ZNF525: variants seen among roughly 807,000 people sequenced by gnomAD.
The protein encoded by ZNF525 is zinc finger protein 525.
A neutral mutation model predicts 37.6 loss-of-function variants in ZNF525; 33 were observed. The observed-to-expected ratio is 0.88, with a 90% CI of 0.67 to 1.17. ZNF525 has a LOEUF of 1.17. Among genes scored for constraint, ZNF525 ranks in the 50% most tolerant of loss-of-function variants. ZNF525 has a pLI of 0.00. For synonymous variants in ZNF525, 170 were observed against 182.3 expected (o/e 0.93, Z 0.54); for missense variants, 449 against 543.1 (o/e 0.83, Z 1.72).
rs113306675 is a variant in ZNF525, at chr19:53,381,319, T to C, written c.740T>C (p.Val247Ala). The change falls in exon 4 of 4, where the codon GTA becomes GCA. Residue 247 changes from valine to alanine, a missense_variant. This residue lies in a region of ZNF525 where 271 missense variants were observed against 381.6 expected (regional missense o/e 0.71). Transcript: ENST00000474037. ...HLGEKQYKCD[V>A]CDKVFIRKRY... Reference sequence around the variant, plus strand: ...GGAGAGAAACAATATAAATGTGATGTATGTGACAAGGTCTTTATTCGGAAG... The same window carrying C: ...GGAGAGAAACAATATAAATGTGATGCATGTGACAAGGTCTTTATTCGGAAG... 3.3e-4 allele frequency: 499 copies of C among 1,505,626 alleles called. No individual in the cohort carries two copies. The African/African-American group carries it at 6.0e-3, about 18-fold the overall frequency. 93.3% of individuals were successfully genotyped at this position (1,505,626 alleles called of 1,614,324 possible).
At position 53,382,999 on chromosome 19, in the gene ZNF525, TG is replaced by T. The variant is rs1200315585; in HGVS notation, c.*982del. The T allele has an allele frequency of 2.0e-6, 3 of 1,516,120 alleles. No individual in the cohort carries two copies. Among genetic ancestry groups the T allele is most frequent in the Admixed American group, 1.7e-5 (1 of 58,748 alleles). The allele number at this position is 1,516,120 out of a possible 1,614,324, so 93.9% of individuals were successfully genotyped here. On this transcript the variant is annotated 3_prime_UTR_variant, in exon 4 of 4. Coordinates refer to ENST00000474037, the MANE Select transcript of ZNF525 (RefSeq NM_001348156.2). ...AGAAACCTTACAAGTGTAATGAATG[TG>T]GCAAGGTTTTTAATCGCAAAGCAAA...
intron 2 of ZNF525, 140 bp downstream of exon 2, chr19:53,372,436 C>A (rs2085494073): frequency 2.7e-6 from 2 of 753,756 alleles, no homozygotes; most frequent in East Asian, 2.5e-5. Context: ...CAGTCCCTCT[C>A]ATCTCACTTA....
At chr19:53,366,105 G>C (rs912134254) in intron 1 of ZNF525, among the ~76,000 whole-genome samples, 2 of 152,040 alleles carry the variant, frequency 1.3e-5, no homozygotes, top group Admixed American at 1.3e-4. Context: ...CCTCGCCCTC[G>C]TCGGCCCCTA....
At position 53,384,937 on chromosome 19, in the gene ZNF525, G is replaced by A; in HGVS notation, c.*2918G>A. The A allele has an allele frequency of 1.4e-6, 1 of 700,504 alleles. No individual in the cohort carries two copies. The highest frequency in any genetic ancestry group is 2.6e-6 in the Non-Finnish European group (1 of 384,316). 43.4% of individuals were successfully genotyped at this position (700,504 alleles called of 1,614,324 possible). On this transcript the variant is annotated 3_prime_UTR_variant, in exon 4 of 4. Coordinates refer to ENST00000474037, the MANE Select transcript of ZNF525 (RefSeq NM_001348156.2). ...TCATTTCATGGATGTTCTTTCTATT[G>A]TTGAGGTAAATTTCCTTTTCTATTT... is the stretch of plus-strand genomic sequence containing the variant.
chr19:53,368,696 T>C (rs1263177368), intron 1 of ZNF525, among the ~76,000 whole-genome samples: 2 of 152,096 alleles, frequency 1.3e-5, no homozygotes, highest in Non-Finnish European at 2.9e-5. Flanking sequence ...ATTTAAAGAT[T>C]TGGAATTGTT....
Position 53,382,103 on chromosome 19 carries a change from A to G in ZNF525, c.*84A>G. ...GTGGCAAGATCTTCAGTCATACGTCATCCATTGTATACCATCATAAATTTC... is the reference window on the plus strand; with the variant it reads ...GTGGCAAGATCTTCAGTCATACGTCGTCCATTGTATACCATCATAAATTTC... On this transcript the variant is annotated 3_prime_UTR_variant, in exon 4 of 4. Transcript: ENST00000474037. 1 of 1,537,414 alleles carries G rather than the reference A, an allele frequency of 6.5e-7. No homozygotes were observed.
At position 53,386,373 on chromosome 19, in the gene ZNF525, C is replaced by G. The variant is rs529506301; in HGVS notation, c.*4354C>G. The stretch of plus-strand genomic sequence containing the variant: ...CCAAAAGGAGACATTGGAGAAGAAC[C>G]AAGCTGGGTCTATAAGGAATTGCAT... On this transcript the variant is annotated 3_prime_UTR_variant, in exon 4 of 4. Coordinates refer to ENST00000474037, the MANE Select transcript of ZNF525 (RefSeq NM_001348156.2). The G allele has an allele frequency of 2.6e-5, 23 of 871,404 alleles. No individual in the cohort carries two copies. The South Asian group carries it at 2.9e-4, about 11-fold the overall frequency. The allele number at this position is 871,404 out of a possible 1,614,324, so 54.0% of individuals were successfully genotyped here.
chr19:53,376,531 A>G (rs1044488815), intron 3 of ZNF525: 3 of 570,302 alleles, frequency 5.3e-6, no homozygotes, highest in Non-Finnish European at 6.1e-6. Context: ...TATTGTGTTT[A>G]ATTGCTTTTC....
At chr19:53,375,731 C>G (rs2085516795) in intron 2 of ZNF525, 39 bp from the exon 3 acceptor site, 1 of 1,613,528 alleles carries the variant, frequency 6.2e-7, no homozygotes. Flanking sequence ...ATAAGAACTC[C>G]TCCCATAACC....
intron 2 of ZNF525, 152 bp downstream of exon 2, chr19:53,372,448 A>G (rs2085494152): frequency 4.0e-6 from 3 of 755,360 alleles, no homozygotes; most frequent in Middle Eastern, 2.3e-4. Flanking sequence ...TCTCACTTAG[A>G]TTTTATCTCT....
chr19:53,376,294 A>G (rs1022806192), intron 3 of ZNF525: 6 of 679,122 alleles, frequency 8.8e-6, no homozygotes, highest in Non-Finnish European at 1.6e-5. Context: ...TAGGGCTAAT[A>G]TGAGTCTTCT....
intron 2 of ZNF525, among the ~76,000 whole-genome samples, chr19:53,373,448 T>G (rs1366036384): frequency 6.6e-6 from 1 of 152,136 alleles, no homozygotes; most frequent in Admixed American, 6.6e-5. Context: ...ATGATGAATA[T>G]ATTTGTTTTG....
At chr19:53,371,076 G>A (rs547343945) in intron 1 of ZNF525, among the ~76,000 whole-genome samples, 62 of 152,056 alleles carry the variant, frequency 4.1e-4, no homozygotes, top group African/African-American at 1.4e-3. Flanking sequence ...TTTCCTCTGC[G>A]TTCAGGTCTA....
chr19:53,366,789 A>C (rs1347963177), intron 1 of ZNF525, among the ~76,000 whole-genome samples: 3 of 125,412 alleles, frequency 2.4e-5, no homozygotes, highest in African/African-American at 9.1e-5. Flanking sequence ...GGTGCCAGAG[A>C]GTGGGGACAG....
In ZNF525 at chr19:53,378,350, G is replaced by A. The variant is rs114517970; in HGVS notation, c.143-2372G>A. 6.4e-3 allele frequency among the ~76,000 whole-genome samples: 972 copies of A among 152,190 alleles called. 8 individuals carry two copies. Among genetic ancestry groups the A allele is most frequent in the African/African-American group, 0.022 (907 of 41,522 alleles). On this transcript the variant is annotated intron_variant, in intron 3 of 3. Coordinates refer to ENST00000474037, the MANE Select transcript of ZNF525 (RefSeq NM_001348156.2). ...CACATGGCTGTTATCCCAAGTACTCGAGAGGCTGAGGAAGGAGAATCTTGA... is the reference window on the plus strand; with the variant it reads ...CACATGGCTGTTATCCCAAGTACTCAAGAGGCTGAGGAAGGAGAATCTTGA...
In ZNF525 at chr19:53,376,162, G is replaced by C; in HGVS notation, c.142+266G>C. ...AGGTTCTTGCTGTGCGGTTGAAGTT[G>C]GTCTTGATCTCCTGGGCTCAAGACA... On this transcript the variant is annotated intron_variant, in intron 3 of 3. Coordinates refer to ENST00000474037, the MANE Select transcript of ZNF525 (RefSeq NM_001348156.2). 4 of 843,204 alleles carry C rather than the reference G, an allele frequency of 4.7e-6. 1 individual carries two copies. The highest frequency in any genetic ancestry group is 7.8e-6 in the Non-Finnish European group (4 of 513,856). 52.2% of individuals were successfully genotyped at this position (843,204 alleles called of 1,614,324 possible). A position where few individuals can be genotyped will look rare whatever the true frequency, so the allele number is the denominator to read the frequency against.
chr19:53,366,463 AAAG>A (rs2085445461), intron 1 of ZNF525, among the ~76,000 whole-genome samples: 1 of 151,972 alleles, frequency 6.6e-6, no homozygotes, highest in Non-Finnish European at 1.5e-5. Flanking sequence ...GAGACAGAGA[AAAG>A]AAGAATGAGA....
chr19:53,366,874 G>T (rs1039556622), intron 1 of ZNF525, among the ~76,000 whole-genome samples: 1 of 152,030 alleles, frequency 6.6e-6, no homozygotes, highest in Non-Finnish European at 1.5e-5. Flanking sequence ...GGAAACTGAG[G>T]ACTAGAGAGA....
At chr19:53,371,479 C>G (rs2085487802) in intron 1 of ZNF525, among the ~76,000 whole-genome samples, 1 of 152,158 alleles carries the variant, frequency 6.6e-6, no homozygotes, top group Non-Finnish European at 1.5e-5. Context: ...TCAAGCGATT[C>G]TCCTGCCTCA....
Sources: allele counts gnomAD v4.1 joint callset (sites outside exome capture counted in the v4.1 genomes callset), GRCh38; gene constraint gnomAD v4.1.1; regional missense constraint gnomAD v4.1.1; transcripts MANE v1.5; gene names NCBI Gene and HGNC (gene_info 2026-07-23, HGNC 2026-07-21).